KALRN: variants seen among roughly 807,000 people sequenced by gnomAD.
The protein encoded by KALRN is kalirin RhoGEF kinase, also known as kalirin.
Under a neutral mutation model 353.7 loss-of-function variants are expected in KALRN, and 70 were observed. That is an observed-to-expected ratio of 0.20 (90% CI 0.16 to 0.24). KALRN has a LOEUF of 0.24. Ranked by LOEUF, KALRN falls within the 10% of genes least tolerant of loss-of-function variation. The pLI is 1.00. For missense variants in KALRN, 2,791 were observed against 3,756.7 expected, an observed-to-expected ratio of 0.74 and a Z score of 6.72; for synonymous variants, 1,391 against 1,434.8, an observed-to-expected ratio of 0.97 and a Z score of 0.69.
intron 6 of KALRN, 65 bp from the exon 7 acceptor site, chr3:124,325,915 C>A: frequency 7.2e-7 from 1 of 1,390,342 alleles, no homozygotes; most frequent in Non-Finnish European, 1.0e-6. Context: ...AATATGTACC[C>A]CACGAAAGTG....
intron 33 of KALRN, among the ~76,000 whole-genome samples, chr3:124,546,880 T>C (rs2069740330): frequency 6.6e-6 from 1 of 152,180 alleles, no homozygotes; most frequent in Admixed American, 6.5e-5. Flanking sequence ...TGGGGATACA[T>C]GTCTGTGGGC....
At chr3:124,173,825 G>A (rs1345870376) in intron 1 of KALRN, among the ~76,000 whole-genome samples, 3 of 151,758 alleles carry the variant, frequency 2.0e-5, no homozygotes, top group Non-Finnish European at 2.9e-5. Flanking sequence ...CATGTTGGCC[G>A]GGATGGTCTC....
intron 34 of KALRN, among the ~76,000 whole-genome samples, chr3:124,621,640 C>G (rs1319738113): frequency 6.6e-6 from 1 of 152,250 alleles, no homozygotes; most frequent in Non-Finnish European, 1.5e-5. Context: ...CACTTCCCGG[C>G]CCCATTTCCT....
Position 124,671,666 on chromosome 3 carries a change from A to G in KALRN, c.6710A>G (p.Gln2237Arg). The G allele has an allele frequency of 6.2e-7, 1 of 1,612,270 alleles. No homozygotes were observed. The highest frequency in any genetic ancestry group is 1.7e-4 in the Middle Eastern group (1 of 6,056). ...ACCTGCTCTTATCCCACAGCACTGC[A>G]ATCGCCCATTGAGTATCAACGGAAA... is the stretch of plus-strand genomic sequence containing the variant. ...ETQRDFLNAL[Q>R]SPIEYQRKER... Residue 2237 changes from glutamine (Q) to arginine (R), a missense_variant, in exon 48 of 60, where the codon CAA becomes CGA. Physicochemically the swap from Gln to Arg is conservative, Grantham distance 43. This residue lies in a region of KALRN where 1,065 missense variants were observed against 1,156.4 expected (regional missense o/e 0.92). Coordinates refer to ENST00000682506, the MANE Select transcript of KALRN (RefSeq NM_001388419.1).
At chr3:124,586,829 C>T (rs1340389883) in intron 34 of KALRN, among the ~76,000 whole-genome samples, 3 of 152,042 alleles carry the variant, frequency 2.0e-5, no homozygotes, top group East Asian at 1.9e-4. Context: ...CATCAGAGGA[C>T]GATGGTGGGG....
At chr3:124,602,891 G>A (rs1233916320) in intron 34 of KALRN, among the ~76,000 whole-genome samples, 3 of 151,976 alleles carry the variant, frequency 2.0e-5, no homozygotes, top group Non-Finnish European at 4.4e-5. Flanking sequence ...GTTCAGTCCT[G>A]GTTTCTTCTC....
chr3:124,651,346 T>C (rs1317822435), intron 38 of KALRN, among the ~76,000 whole-genome samples: 2 of 152,208 alleles, frequency 1.3e-5, no homozygotes, highest in Admixed American at 6.5e-5. Flanking sequence ...AGGAAAGTTA[T>C]ATATAGAGGA....
Position 124,720,587 on chromosome 3 carries a change from T to C in KALRN, c.*1117T>C, listed in dbSNP as rs976993688. The C allele has an allele frequency of 1.3e-5, 2 of 152,626 alleles. No individual in the cohort carries two copies. Among genetic ancestry groups the C allele is most frequent in the Non-Finnish European group, 2.9e-5 (2 of 68,018 alleles). 9.5% of individuals were successfully genotyped at this position (152,626 alleles called of 1,614,324 possible). A position where few individuals can be genotyped will look rare whatever the true frequency, so the allele number is the denominator to read the frequency against. Reference sequence around the variant, plus strand: ...TTTAAAGGCCTGGTTCTAAGTCCTTTTTAAAGCCATGGAACAAAACCTGAT... The same window carrying C: ...TTTAAAGGCCTGGTTCTAAGTCCTTCTTAAAGCCATGGAACAAAACCTGAT... On this transcript the variant is annotated 3_prime_UTR_variant, in exon 60 of 60. Transcript: ENST00000682506.
At chr3:124,539,673 T>C (rs1053364773) in intron 33 of KALRN, among the ~76,000 whole-genome samples, 1 of 152,192 alleles carries the variant, frequency 6.6e-6, no homozygotes, top group Non-Finnish European at 1.5e-5. Flanking sequence ...GCCTTGGGTT[T>C]TCCAGATTCT....
intron 1 of KALRN, chr3:124,152,365 T>G: frequency 8.3e-7 from 1 of 1,199,148 alleles, no homozygotes; most frequent in South Asian, 1.2e-5. Context: ...GCGAAGAAGC[T>G]GCAACACCTT....
chr3:124,606,716 G>A (rs77648351), intron 34 of KALRN, among the ~76,000 whole-genome samples: 2,116 of 152,204 alleles, frequency 0.014, 53 homozygotes, highest in African/African-American at 0.048. Context: ...GAGAAAATGC[G>A]TGTAACCTGC....
chr3:124,284,869 G>A (rs2075683839), intron 5 of KALRN, among the ~76,000 whole-genome samples: 1 of 152,178 alleles, frequency 6.6e-6, no homozygotes, highest in African/African-American at 2.4e-5. Flanking sequence ...ATGAATCAGT[G>A]CGAGCCCATC....
At chr3:124,317,704 G>A (rs1319070606) in intron 6 of KALRN, among the ~76,000 whole-genome samples, 3 of 108,980 alleles carry the variant, frequency 2.8e-5, no homozygotes, top group Non-Finnish European at 5.1e-5. Flanking sequence ...GCTCTAAGTA[G>A]CCAGGCCTTA....
intron 1 of KALRN, among the ~76,000 whole-genome samples, chr3:124,159,687 A>G (rs1436263720): frequency 6.6e-6 from 1 of 151,470 alleles, no homozygotes; most frequent in East Asian, 1.9e-4. Context: ...GTAATACCTG[A>G]GGGTAGGAAC....
chr3:124,489,694 A>G (rs1304252851), intron 29 of KALRN, among the ~76,000 whole-genome samples: 1 of 152,120 alleles, frequency 6.6e-6, no homozygotes, highest in Non-Finnish European at 1.5e-5. Context: ...TATGCTCTGG[A>G]TCCAGCTACT....
intron 21 of KALRN, among the ~76,000 whole-genome samples, chr3:124,453,911 A>C (rs2059045377): frequency 6.6e-6 from 1 of 152,198 alleles, no homozygotes; most frequent in Non-Finnish European, 1.5e-5. Context: ...ACATTCAATT[A>C]CATAATGCCC....
intron 1 of KALRN, among the ~76,000 whole-genome samples, chr3:124,133,680 T>C (rs1404937245): frequency 6.6e-6 from 1 of 152,210 alleles, no homozygotes; most frequent in Admixed American, 6.5e-5. Context: ...AGAAGGAGTT[T>C]GGATACTGAC....
At chr3:124,439,236 A>G (rs1457126008) in intron 18 of KALRN, among the ~76,000 whole-genome samples, 199 bp downstream of exon 18, 1 of 143,794 alleles carries the variant, frequency 7.0e-6, no homozygotes, top group Non-Finnish European at 1.5e-5. Context: ...ACACACACAC[A>G]CGCAGCTTCA....
chr3:124,455,021 C>T (rs567301526), intron 21 of KALRN, 156 bp from the exon 22 acceptor site: 29 of 682,956 alleles, frequency 4.2e-5, no homozygotes, highest in Admixed American at 5.9e-5. Flanking sequence ...ATAACTTGCT[C>T]GAGATCTCCC....
Sources: allele counts gnomAD v4.1 joint callset (sites outside exome capture counted in the v4.1 genomes callset), GRCh38; gene constraint gnomAD v4.1.1; regional missense constraint gnomAD v4.1.1; transcripts MANE v1.5; gene names NCBI Gene and HGNC (gene_info 2026-07-23, HGNC 2026-07-21).